The following LRP1B variants were observed in gnomAD, a reference collection of about 807,000 sequenced individuals.
LRP1B encodes low-density lipoprotein receptor-related protein 1B.
In LRP1B, 217 loss-of-function variants were observed where a neutral mutation model predicts 556.6. That is an observed-to-expected ratio of 0.39 (90% CI 0.35 to 0.44). LRP1B has a LOEUF of 0.44. Among genes scored for constraint, LRP1B ranks in the 20% least tolerant of loss-of-function variants. The probability of loss-of-function intolerance (pLI) is 1.00; values close to 1 mark genes in which losing one functional copy is unlikely to be tolerated. For synonymous variants in LRP1B, 2,047 were observed against 1,865.8 expected (o/e 1.10, Z -2.50); for missense variants, 5,053 against 5,620.8 (o/e 0.90, Z 3.23).
At chr2:141,131,369 T>C (rs1056047032) in intron 7 of LRP1B, among the ~76,000 whole-genome samples, 13 of 144,086 alleles carry the variant, frequency 9.0e-5, no homozygotes, top group Admixed American at 2.1e-4. Context: ...ACAAATACTA[T>C]GCTATTAAAT....
At chr2:140,505,583 C>T (rs1226048326) in intron 53 of LRP1B, among the ~76,000 whole-genome samples, 2 of 152,146 alleles carry the variant, frequency 1.3e-5, no homozygotes, top group Non-Finnish European at 2.9e-5. Flanking sequence ...TCTGTATCAA[C>T]CAAATATAAT....
chr2:141,529,031 GC>G (rs1166008184), intron 2 of LRP1B, among the ~76,000 whole-genome samples: 1 of 152,102 alleles, frequency 6.6e-6, no homozygotes. Flanking sequence ...CTGTGAAAGG[GC>G]CTCAGCCTGC....
At chr2:141,633,814 G>A (rs1441656185) in intron 2 of LRP1B, among the ~76,000 whole-genome samples, 3 of 151,824 alleles carry the variant, frequency 2.0e-5, no homozygotes, top group African/African-American at 7.3e-5. Context: ...GACTGTTGAA[G>A]GTAAAACTAT....
intron 2 of LRP1B, among the ~76,000 whole-genome samples, chr2:141,708,075 G>A (rs1003498134): frequency 1.3e-5 from 2 of 152,058 alleles, no homozygotes; most frequent in African/African-American, 4.8e-5. Flanking sequence ...AGAAAATGAT[G>A]GGGAGTAAAG....
Position 141,400,654 on chromosome 2 carries a change from A to G in LRP1B, c.343+79742T>C, listed in dbSNP as rs560536004. 4.6e-5 allele frequency among the ~76,000 whole-genome samples: 7 copies of G among 152,312 alleles called. No individual in the cohort carries two copies. The East Asian group carries it at 1.4e-3, about 29-fold the overall frequency. On this transcript the variant is annotated intron_variant, in intron 3 of 90. Coordinates refer to ENST00000389484, the MANE Select transcript of LRP1B (RefSeq NM_018557.3). The stretch of plus-strand genomic sequence containing the variant: ...TCAGACACTTCACTTTCTCTAGACT[A>G]TGCCAAATTCCTTAATATGGTCCAT...
chr2:140,296,110 T>A (rs1244529823), intron 84 of LRP1B, among the ~76,000 whole-genome samples: 3 of 152,282 alleles, frequency 2.0e-5, no homozygotes, highest in East Asian at 3.9e-4. Context: ...TTGGGAAGTC[T>A]GAAATGTGAA....
intron 1 of LRP1B, among the ~76,000 whole-genome samples, chr2:142,066,336 C>A (rs563262604): frequency 1.3e-5 from 2 of 151,420 alleles, no homozygotes; most frequent in East Asian, 3.9e-4. Flanking sequence ...TTGCTATAAG[C>A]AGCACATAGG....
intron 6 of LRP1B, among the ~76,000 whole-genome samples, chr2:141,218,019 A>C (rs1682886491): frequency 6.6e-6 from 1 of 152,168 alleles, no homozygotes. Flanking sequence ...GCAAATCAAA[A>C]CCACAATGAG....
chr2:141,836,815 G>A (rs1467797467), intron 1 of LRP1B, among the ~76,000 whole-genome samples: 1 of 151,818 alleles, frequency 6.6e-6, no homozygotes, highest in Non-Finnish European at 1.5e-5. Context: ...CTAACAGTAG[G>A]TAATTTTTGG....
chr2:140,493,821 A>G (rs1483463284), intron 56 of LRP1B, among the ~76,000 whole-genome samples: 1 of 152,146 alleles, frequency 6.6e-6, no homozygotes, highest in African/African-American at 2.4e-5. Flanking sequence ...ATGTTTCAGT[A>G]TATACTATGT....
At chr2:141,666,093 T>A (rs1273155307) in intron 2 of LRP1B, among the ~76,000 whole-genome samples, 1 of 152,104 alleles carries the variant, frequency 6.6e-6, no homozygotes, top group African/African-American at 2.4e-5. Flanking sequence ...GTAACAAACC[T>A]GCACATTCTG....
At chr2:141,975,595 C>G (rs1390366981) in intron 1 of LRP1B, among the ~76,000 whole-genome samples, 1 of 152,076 alleles carries the variant, frequency 6.6e-6, no homozygotes, top group Non-Finnish European at 1.5e-5. Flanking sequence ...AATGTGTTAA[C>G]ATAGTTAGTT....
rs371616800 is a variant in LRP1B, at chr2:141,088,589, C to T, written c.1014-26316G>A. Reference sequence around the variant, plus strand: ...GATACGGGTGAGGCACTTATATTTCCTCCAAGAGGTCATATGCCATAGGAT... The same window carrying T: ...GATACGGGTGAGGCACTTATATTTCTTCCAAGAGGTCATATGCCATAGGAT... On this transcript the variant is annotated intron_variant, in intron 7 of 90. Coordinates refer to ENST00000389484, the MANE Select transcript of LRP1B (RefSeq NM_018557.3). Among the ~76,000 whole-genome samples the T allele has an allele frequency of 9.2e-5, 14 of 152,238 alleles. No homozygotes were observed. In the South Asian group the frequency reaches 2.9e-3, roughly 32 times the overall value.
intron 2 of LRP1B, among the ~76,000 whole-genome samples, chr2:141,583,906 A>ATTTTTTT (rs113916906): frequency 0.026 from 3,739 of 145,448 alleles, 188 homozygotes; most frequent in African/African-American, 0.087. Context: ...TGCCCGGCTA[A>ATTTTTTT]TTTTTTTTTT....
chr2:141,699,174 C>T (rs892376044), intron 2 of LRP1B, among the ~76,000 whole-genome samples: 1 of 151,794 alleles, frequency 6.6e-6, no homozygotes, highest in Admixed American at 6.6e-5. Context: ...CCTGGCTTCA[C>T]ATTAGAATCA....
intron 7 of LRP1B, among the ~76,000 whole-genome samples, chr2:141,120,360 G>A (rs1382327113): frequency 2.0e-5 from 3 of 151,858 alleles, no homozygotes; most frequent in Non-Finnish European, 2.9e-5. Flanking sequence ...CCATATATTA[G>A]TAATAAGGGT....
chr2:141,571,824 G>A (rs1686541609), intron 2 of LRP1B, among the ~76,000 whole-genome samples: 1 of 152,018 alleles, frequency 6.6e-6, no homozygotes, highest in African/African-American at 2.4e-5. Flanking sequence ...CAGAAAAAAA[G>A]ATATCATAGC....
chr2:141,022,271 G>T lies in LRP1B; in HGVS notation c.1790-2169C>A, dbSNP rs1418319142. Among the ~76,000 whole-genome samples, 3 of 149,926 alleles carry T rather than the reference G, an allele frequency of 2.0e-5. No homozygotes were observed. The Admixed American group carries it at 2.0e-4, about 10-fold the overall frequency. ...TTAGCCTAGATTATTTTTTAAGGTT[G>T]TTTTCTGTTTGTGCTTTGATTTTTT... is the stretch of plus-strand genomic sequence containing the variant. On this transcript the variant is annotated intron_variant, in intron 11 of 90. Transcript: ENST00000389484.
intron 3 of LRP1B, among the ~76,000 whole-genome samples, chr2:141,428,425 A>T (rs1680450210): frequency 2.0e-5 from 3 of 152,194 alleles, no homozygotes; most frequent in Non-Finnish European, 2.9e-5. Context: ...TTAAAAAAAA[A>T]TCTAATGCTA....
Sources: gnomAD v4.1 joint callset for allele counts (sites outside exome capture counted in the v4.1 genomes callset) on GRCh38, gnomAD v4.1.1 for gene constraint, MANE v1.5 for transcripts, NCBI Gene and HGNC (gene_info 2026-07-23, HGNC 2026-07-21) for gene names.